Variants in DYNC2H1 observed in about 807,000 individuals in gnomAD.
DYNC2H1 encodes dynein cytoplasmic 2 heavy chain 1.
A neutral mutation model predicts 570.0 loss-of-function variants in DYNC2H1; 410 were observed. The ratio of observed to expected loss-of-function variants is 0.72; its 90% confidence interval spans 0.66 to 0.78. The LOEUF (loss-of-function observed/expected upper bound fraction) is 0.78, where lower values mean the gene tolerates loss of function less well. Ranked by LOEUF, DYNC2H1 falls within the 30% of genes least tolerant of loss-of-function variation. DYNC2H1 has a pLI of 0.00. For missense variants in DYNC2H1, 4,865 were observed against 5,046.4 expected (o/e 0.96, Z 1.09); for synonymous variants, 1,688 against 1,677.6 (o/e 1.01, Z -0.15).
At chr11:103,340,565 TGAA>T (rs992243974) in intron 82 of DYNC2H1, among the ~76,000 whole-genome samples, 2 of 152,236 alleles carry the variant, frequency 1.3e-5, no homozygotes, top group African/African-American at 4.8e-5. Context: ...TGGTATTTAA[TGAA>T]GTTGTTCATT....
chr11:103,234,108 C>A lies in DYNC2H1; in HGVS notation c.9515C>A (p.Ala3172Glu). Residue 3172 changes from alanine to glutamate, a missense_variant, in exon 61 of 89, where the codon GCA becomes GAA. Physicochemically the swap from Ala to Glu is moderately radical, Grantham distance 107. This residue lies in a region of DYNC2H1 where 2,401 missense variants were observed against 2,454.6 expected (regional missense o/e 0.98). Transcript: ENST00000375735. The part of the protein sequence containing the change: ...VSKAQETIKA[A>E]EVLINQLDRE... Reference sequence around the variant, plus strand: ...AAGGCACAAGAAACAATCAAAGCTGCAGAAGTCTTAATTAATCAGCTTGAC... The same window carrying A: ...AAGGCACAAGAAACAATCAAAGCTGAAGAAGTCTTAATTAATCAGCTTGAC... The A allele has an allele frequency of 6.4e-7, 1 of 1,574,516 alleles. No homozygotes were observed. Among genetic ancestry groups the A allele is most frequent in the South Asian group, 1.2e-5 (1 of 85,654 alleles).
intron 85 of DYNC2H1, among the ~76,000 whole-genome samples, chr11:103,445,753 G>A (rs745903909): frequency 1.4e-4 from 21 of 152,100 alleles, no homozygotes; most frequent in Non-Finnish European, 7.4e-5. Context: ...CTGGGTTCAC[G>A]CCATTCTCCT....
chr11:103,379,764 C>G (rs1003440875), intron 83 of DYNC2H1, among the ~76,000 whole-genome samples: 6 of 152,184 alleles, frequency 3.9e-5, no homozygotes, highest in African/African-American at 1.4e-4. Context: ...CTTTCCTTCT[C>G]CTGGAATCTC....
At position 103,141,857 on chromosome 11, in the gene DYNC2H1, C is replaced by A. The variant is rs11225566; in HGVS notation, c.2575-1411C>A. Among the ~76,000 whole-genome samples, 747 of 152,342 alleles carry A rather than the reference C, an allele frequency of 4.9e-3. 6 individuals carry two copies. The highest frequency in any genetic ancestry group is 0.017 in the African/African-American group (714 of 41,588). ...AGGCCTCCTTGAGCTGTGGTGGGCTCCACCCAGTTCGAGCTTCCCACCTGC... is the reference window on the plus strand; with the variant it reads ...AGGCCTCCTTGAGCTGTGGTGGGCTACACCCAGTTCGAGCTTCCCACCTGC... On this transcript the variant is annotated intron_variant, in intron 17 of 88. Transcript: ENST00000375735.
At chr11:103,184,813 T>C in intron 40 of DYNC2H1, 83 bp from the exon 41 acceptor site, 2 of 1,418,330 alleles carry the variant, frequency 1.4e-6, no homozygotes, top group South Asian at 3.2e-5. Context: ...TGAAAAGGTA[T>C]GTGAACATCA....
intron 70 of DYNC2H1, among the ~76,000 whole-genome samples, chr11:103,269,248 A>G (rs932309393): frequency 8.5e-5 from 13 of 152,204 alleles, no homozygotes; most frequent in African/African-American, 2.7e-4. Context: ...TGTTTGAGTA[A>G]TATTAAATTC....
intron 78 of DYNC2H1, among the ~76,000 whole-genome samples, chr11:103,310,794 A>C (rs922581859): frequency 3.4e-5 from 5 of 147,506 alleles, no homozygotes; most frequent in Non-Finnish European, 7.4e-5. Flanking sequence ...GGGTTCAGGC[A>C]ATTATCCTGC....
chr11:103,313,517 T>C (rs1239815217), intron 79 of DYNC2H1, among the ~76,000 whole-genome samples: 2 of 152,192 alleles, frequency 1.3e-5, no homozygotes, highest in Non-Finnish European at 2.9e-5. Flanking sequence ...CCCCTCATGC[T>C]GCTCCCCTTT....
chr11:103,238,596 C>T (rs1475250675), intron 63 of DYNC2H1, among the ~76,000 whole-genome samples: 1 of 151,938 alleles, frequency 6.6e-6, no homozygotes, highest in African/African-American at 2.4e-5. Context: ...CACACACACA[C>T]ACACACACCC....
intron 87 of DYNC2H1, among the ~76,000 whole-genome samples, chr11:103,462,313 T>G (rs12790240): frequency 0.014 from 2,115 of 152,230 alleles, 78 homozygotes; most frequent in Non-Finnish European, 0.01. Context: ...TGATTTTTTT[T>G]TGTGTGGAGG....
chr11:103,249,629 T>A lies in DYNC2H1; in HGVS notation c.10043-3656T>A, dbSNP rs1441617395. 5.9e-5 allele frequency among the ~76,000 whole-genome samples: 9 copies of A among 152,026 alleles called. No individual in the cohort carries two copies. The highest frequency in any genetic ancestry group is 1.0e-4 in the Non-Finnish European group (7 of 67,960). On this transcript the variant is annotated intron_variant, in intron 65 of 88. Transcript: ENST00000375735. The surrounding 1 kb of genome is among the most constrained non-coding windows in gnomAD (Gnocchi z 4.6). ...AGCACCTGACTACTCTAGACTGAGA[T>A]CTGGCCAGATTCTAATAGCTTGGAC...
In DYNC2H1 at chr11:103,294,974, C is replaced by T. The variant is rs145638256; in HGVS notation, c.11095+7369C>T. 2.0e-3 allele frequency among the ~76,000 whole-genome samples: 310 copies of T among 152,276 alleles called. 2 individuals carry two copies. The Middle Eastern group carries it at 0.024, about 12-fold the overall frequency. On this transcript the variant is annotated intron_variant, in intron 75 of 88. Coordinates refer to ENST00000375735, the MANE Select transcript of DYNC2H1 (RefSeq NM_001377.3). ...CTTGCCTTCCTCTAAAGAGAAGGAACGTGTCCATGTGCTGCATTGCCTGGA... is the reference window on the plus strand; with the variant it reads ...CTTGCCTTCCTCTAAAGAGAAGGAATGTGTCCATGTGCTGCATTGCCTGGA...
chr11:103,262,293 G>A (rs1865329914), intron 70 of DYNC2H1, among the ~76,000 whole-genome samples: 1 of 152,178 alleles, frequency 6.6e-6, no homozygotes, highest in South Asian at 2.1e-4. Context: ...TATTATCCAG[G>A]AGAACTTGCC....
chr11:103,305,425 C>T lies in DYNC2H1; in HGVS notation c.11382+705C>T, dbSNP rs1368715284. 6.6e-6 allele frequency among the ~76,000 whole-genome samples: 1 copy of T among 152,020 alleles called. No homozygotes were observed. Among genetic ancestry groups the T allele is most frequent in the East Asian group, 1.9e-4 (1 of 5,178 alleles). On this transcript the variant is annotated intron_variant, in intron 77 of 88. Transcript: ENST00000375735. This position sits in a 1 kb window ranked among gnomAD's most constrained non-coding sequence, Gnocchi z 4.3. The stretch of plus-strand genomic sequence containing the variant: ...CCTTGATAGTACTAGACGGGCCAGG[C>T]AGGGAAGCGTGGGGAAATTGAATTA...
At chr11:103,308,564 A>T (rs946903468) in intron 78 of DYNC2H1, among the ~76,000 whole-genome samples, 5 of 152,114 alleles carry the variant, frequency 3.3e-5, no homozygotes, top group African/African-American at 7.2e-5. Flanking sequence ...TAAGTTTTTG[A>T]TGGAACTTCA....
intron 85 of DYNC2H1, among the ~76,000 whole-genome samples, chr11:103,451,535 G>A (rs1944604263): frequency 6.6e-6 from 1 of 152,032 alleles, no homozygotes; most frequent in Admixed American, 6.5e-5. Flanking sequence ...GTTTTGCCAT[G>A]TTGGCCAGGA....
At chr11:103,331,112 C>T (rs1565500841) in intron 82 of DYNC2H1, among the ~76,000 whole-genome samples, 1 of 152,112 alleles carries the variant, frequency 6.6e-6, no homozygotes, top group Non-Finnish European at 1.5e-5. Flanking sequence ...TGACACAACA[C>T]AAACATTTGC....
Position 103,451,206 on chromosome 11 carries a change from G to C in DYNC2H1, c.12457-3980G>C, listed in dbSNP as rs182645383. 2.7e-3 allele frequency among the ~76,000 whole-genome samples: 409 copies of C among 150,428 alleles called. 3 individuals carry two copies. Among genetic ancestry groups the C allele is most frequent in the African/African-American group, 9.6e-3 (392 of 41,036 alleles). The stretch of plus-strand genomic sequence containing the variant: ...GTAGTGCTATGCCATAATTTAATCA[G>C]CTAATTTCTAATTATGCTTCTAATT... On this transcript the variant is annotated intron_variant, in intron 85 of 88. Transcript: ENST00000375735.
At chr11:103,278,914 A>C (rs1866020024) in intron 70 of DYNC2H1, among the ~76,000 whole-genome samples, 1 of 152,168 alleles carries the variant, frequency 6.6e-6, no homozygotes, top group Non-Finnish European at 1.5e-5. Context: ...CTTATAAGAA[A>C]TACTTGTTAT....
Sources: allele counts gnomAD v4.1 joint callset (sites outside exome capture counted in the v4.1 genomes callset), GRCh38; gene constraint gnomAD v4.1.1; regional missense constraint gnomAD v4.1.1; non-coding constraint Gnocchi (gnomAD v3.1); transcripts MANE v1.5; gene names NCBI Gene and HGNC (gene_info 2026-07-23, HGNC 2026-07-21).